Variants in CARD8 observed in about 807,000 individuals in gnomAD.
CARD8 encodes caspase recruitment domain family member 8, also known as caspase recruitment domain-containing protein 8.
CARD8 carries 38 observed loss-of-function variants against 53.2 expected under a neutral mutation model. That is an observed-to-expected ratio of 0.71 (90% CI 0.55 to 0.94). The LOEUF is 0.94. Ranked by LOEUF, CARD8 falls within the 40% of genes least tolerant of loss-of-function variation. The pLI is 0.00. For synonymous variants in CARD8, 245 were observed against 244.9 expected (o/e 1.00, Z 0.00); for missense variants, 561 against 655.5 (o/e 0.86, Z 1.57).
chr19:48,226,694 T>G (rs1396534472), intron 10 of CARD8, among the ~76,000 whole-genome samples: 1 of 152,196 alleles, frequency 6.6e-6, no homozygotes, highest in Admixed American at 6.5e-5. Flanking sequence ...GAAGACTTTA[T>G]CCATATTTCT....
intron 10 of CARD8, chr19:48,223,739 CCTT>C (rs2041168007): frequency 2.4e-6 from 1 of 414,518 alleles, no homozygotes; most frequent in South Asian, 1.8e-5. Flanking sequence ...ATTTTCTTAA[CCTT>C]CTTTATTTGT....
intron 10 of CARD8, among the ~76,000 whole-genome samples, chr19:48,227,900 C>T (rs577270917): frequency 2.0e-5 from 3 of 152,242 alleles, no homozygotes; most frequent in South Asian, 2.1e-4. Context: ...ACACCCGGGC[C>T]GCAGACCAGT....
chr19:48,229,278 C>T (rs1181716552), intron 10 of CARD8, among the ~76,000 whole-genome samples: 1 of 152,012 alleles, frequency 6.6e-6, no homozygotes, highest in Admixed American at 6.6e-5. Flanking sequence ...CATTTTGTTT[C>T]TAGTATATCA....
intron 4 of CARD8, among the ~76,000 whole-genome samples, chr19:48,238,866 T>C (rs974096928): frequency 2.6e-5 from 4 of 152,220 alleles, no homozygotes; most frequent in Non-Finnish European, 5.9e-5. Context: ...TAGAATAAAA[T>C]ACCATTCCTC....
At chr19:48,237,151 G>A (rs1203419073) in intron 5 of CARD8, among the ~76,000 whole-genome samples, 2 of 151,976 alleles carry the variant, frequency 1.3e-5, no homozygotes, top group African/African-American at 4.8e-5. Flanking sequence ...AGGTTTAATT[G>A]GCTCATGGTG....
Position 48,230,949 on chromosome 19 carries a change from C to A in CARD8, c.600G>T (p.Leu200=). The A allele has an allele frequency of 1.9e-6, 3 of 1,614,188 alleles. No individual in the cohort carries two copies. The highest frequency in any genetic ancestry group is 2.5e-6 in the Non-Finnish European group (3 of 1,180,034). The change falls in exon 9 of 14, where the codon CTG becomes CTT. Residue 200 remains leucine, a synonymous_variant. Coordinates refer to ENST00000651546, the MANE Select transcript of CARD8 (RefSeq NM_001184900.3). Reference sequence around the variant, plus strand: ...TCGTCACTGTGACCTCATCCCTTACCAGGAAGCCGAGGCCTGTGGCTGACC... The same window carrying A: ...TCGTCACTGTGACCTCATCCCTTACAAGGAAGCCGAGGCCTGTGGCTGACC... ...YLWSATGLGF[L]VRDEVTVTIA... is the part of the protein sequence containing the mutation.
In CARD8 at chr19:48,238,526, A is replaced by T. The variant is rs995802242; in HGVS notation, c.66T>A (p.Ser22Arg). The change falls in exon 5 of 14, where the codon AGT (serine) becomes AGA (arginine). Residue 22 changes from serine (S) to arginine (R), a missense_variant. By Grantham distance (110) the Ser-to-Arg change is moderately radical (BLOSUM62 -1). Coordinates refer to ENST00000651546, the MANE Select transcript of CARD8 (RefSeq NM_001184900.3). ...ATGCATCTATGTTCCTACTGGATCC[A>T]CTGTCCCTGGGAAAACACAAATGGA... ...SSEEELPRRD[S>R]GSSRNIDASK... The T allele has an allele frequency of 2.6e-6, 4 of 1,536,260 alleles. No individual in the cohort carries two copies. The highest frequency in any genetic ancestry group is 2.4e-5 in the East Asian group (1 of 40,926).
chr19:48,247,201 G>C (rs1005714306), intron 3 of CARD8, among the ~76,000 whole-genome samples: 6 of 152,202 alleles, frequency 3.9e-5, no homozygotes, highest in Admixed American at 3.9e-4. Context: ...GCATGGGCCT[G>C]TAATTTCAGC....
At chr19:48,207,736 T>TTTTTTTTTTTTTG (rs1404049538), downstream of CARD8, among the ~76,000 whole-genome samples, 40 of 90,628 alleles carry the variant, frequency 4.4e-4, 2 homozygotes, top group African/African-American at 1.4e-3. Flanking sequence ...GTTTTTCTGT[T>TTTTTTTTTTTTTG]TTTTTTTTTT....
intron 11 of CARD8, among the ~76,000 whole-genome samples, chr19:48,219,698 C>T (rs780033516): frequency 9.9e-5 from 15 of 152,076 alleles, no homozygotes; most frequent in Admixed American, 2.6e-4. Context: ...AGGGCGGGCG[C>T]GGTGACTCAC....
chr19:48,217,051 C>T (rs917480943), intron 12 of CARD8, among the ~76,000 whole-genome samples: 2 of 152,024 alleles, frequency 1.3e-5, no homozygotes, highest in Non-Finnish European at 2.9e-5. Flanking sequence ...CTAGATCCCT[C>T]GCCTGCACAG....
intron 10 of CARD8, chr19:48,223,739 C>T (rs2041166563): frequency 4.8e-6 from 2 of 414,518 alleles, no homozygotes; most frequent in East Asian, 7.2e-5. Context: ...ATTTTCTTAA[C>T]CTTCTTTATT....
intron 10 of CARD8, among the ~76,000 whole-genome samples, chr19:48,229,580 T>C (rs73944110): frequency 0.04 from 6,070 of 152,240 alleles, 385 homozygotes; most frequent in African/African-American, 0.13. Flanking sequence ...ACGATACAAT[T>C]TAATGTAATC....
chr19:48,232,198 G>A (rs190338211), intron 7 of CARD8: 3 of 585,168 alleles, frequency 5.1e-6, no homozygotes, highest in African/African-American at 3.7e-5. Flanking sequence ...AGAGGCGAAA[G>A]AGCGTGCATC....
chr19:48,251,193 G>C (rs2147105832), intron 1 of CARD8, among the ~76,000 whole-genome samples: 1 of 152,324 alleles, frequency 6.6e-6, no homozygotes, highest in Middle Eastern at 3.4e-3. Context: ...GTTGGGTTCT[G>C]TTAAGTTATA....
intron 11 of CARD8, among the ~76,000 whole-genome samples, chr19:48,219,832 G>A (rs1326017058): frequency 3.3e-5 from 5 of 152,070 alleles, no homozygotes; most frequent in African/African-American, 9.7e-5. Flanking sequence ...TTAGCCAGGC[G>A]TGGTGGCAGG....
At chr19:48,246,501 T>A (rs2046131499) in intron 3 of CARD8, among the ~76,000 whole-genome samples, 1 of 152,152 alleles carries the variant, frequency 6.6e-6, no homozygotes, top group African/African-American at 2.4e-5. Flanking sequence ...CATGCATGTA[T>A]ACCGAACTGT....
In CARD8 at chr19:48,230,503, G is replaced by A. The variant is rs141307910; in HGVS notation, c.970C>T (p.His324Tyr). The stretch of plus-strand genomic sequence containing the variant: ...AACTTAATATCTTCGGGGTGGGGGT[G>A]ATAATAGATCAATGTGTTGGAAGTG... ...PITSNTLIYY[H>Y]PHPEDIKFHL... The change falls in exon 10 of 14, where the codon CAC (histidine) becomes TAC (tyrosine). Residue 324 changes from histidine (H) to tyrosine (Y), a missense_variant. Coordinates refer to ENST00000651546, the MANE Select transcript of CARD8 (RefSeq NM_001184900.3). 70 of 1,614,156 alleles carry A rather than the reference G, an allele frequency of 4.3e-5. No homozygotes were observed. In the East Asian group the frequency reaches 5.3e-4, roughly 12 times the overall value.
At chr19:48,255,453 C>T (rs1479259748) in intron 1 of CARD8, among the ~76,000 whole-genome samples, 1 of 152,082 alleles carries the variant, frequency 6.6e-6, no homozygotes, top group African/African-American at 2.4e-5. Flanking sequence ...TATACAGTTA[C>T]AGTGTAAAAT....
Sources: gnomAD v4.1 joint callset for allele counts (sites outside exome capture counted in the v4.1 genomes callset) on GRCh38, gnomAD v4.1.1 for gene constraint, MANE v1.5 for transcripts, NCBI Gene and HGNC (gene_info 2026-07-23, HGNC 2026-07-21) for gene names.